Variants in MAOB observed in about 807,000 individuals in gnomAD.
The protein encoded by MAOB is amine oxidase [flavin-containing] B.
A neutral mutation model predicts 41.9 loss-of-function variants in MAOB; 15 were observed. The observed-to-expected ratio is 0.36, with a 90% CI of 0.24 to 0.55. MAOB has a LOEUF of 0.55. Among genes scored for constraint, MAOB ranks in the 20% least tolerant of loss-of-function variants. The pLI is 0.86. For missense variants in MAOB, 345 were observed against 398.7 expected, an observed-to-expected ratio of 0.87 and a Z score of 1.15; for synonymous variants, 167 against 144.2, an observed-to-expected ratio of 1.16 and a Z score of -1.13.
At chrX:43,852,758 A>T (rs187992651) in intron 1 of MAOB, among the ~76,000 whole-genome samples, 38 of 111,920 alleles carry the variant, frequency 3.4e-4, no homozygotes, top group African/African-American at 1.2e-3. Flanking sequence ...GATTCTCTTG[A>T]GGGCGGAAAG....
At chrX:43,877,046 T>C (rs1455300043) in intron 1 of MAOB, among the ~76,000 whole-genome samples, 1 of 112,575 alleles carries the variant, frequency 8.9e-6, no homozygotes, top group Non-Finnish European at 1.9e-5. Context: ...GCACTCTACA[T>C]GTATTTTCTC....
intron 1 of MAOB, among the ~76,000 whole-genome samples, chrX:43,856,715 A>T (rs2035290543): frequency 9.0e-6 from 1 of 110,831 alleles, no homozygotes. Context: ...CAGGGAAGCG[A>T]AAATATATTT....
At chrX:43,808,496 A>G (rs994483464) in intron 3 of MAOB, among the ~76,000 whole-genome samples, 2 of 110,720 alleles carry the variant, frequency 1.8e-5, no homozygotes, top group African/African-American at 6.6e-5. Flanking sequence ...AAGACAATTG[A>G]TTCAGAAAGT....
chrX:43,775,163 C>T lies in MAOB; in HGVS notation c.1235+12G>A. Reference sequence around the variant, plus strand: ...GGGATTTCTGTAACAGCTTAGCATGCTTTTACTCTACCTTCCATATTGAGT... The same window carrying T: ...GGGATTTCTGTAACAGCTTAGCATGTTTTTACTCTACCTTCCATATTGAGT... On this transcript the variant is annotated intron_variant, in intron 12 of 14. Transcript: ENST00000378069. 8.6e-7 allele frequency: 1 copy of T among 1,168,994 alleles called. No individual in the cohort carries two copies. Among genetic ancestry groups the T allele is most frequent in the Non-Finnish European group, 1.1e-6 (1 of 876,837 alleles).
At chrX:43,843,322 A>G (rs1011927020) in intron 2 of MAOB, among the ~76,000 whole-genome samples, 2 of 102,013 alleles carry the variant, frequency 2.0e-5, no homozygotes, top group African/African-American at 7.1e-5. Context: ...AGTACATATA[A>G]TTATGTTATT....
chrX:43,774,080 T>G (rs947116104), intron 12 of MAOB, among the ~76,000 whole-genome samples: 10 of 111,914 alleles, frequency 8.9e-5, no homozygotes, highest in Non-Finnish European at 1.7e-4. Flanking sequence ...TAAGCAGGTT[T>G]TACTCCTTAT....
At chrX:43,868,697 T>C (rs2035380987) in intron 1 of MAOB, among the ~76,000 whole-genome samples, 2 of 111,729 alleles carry the variant, frequency 1.8e-5, no homozygotes, top group South Asian at 7.6e-4. Flanking sequence ...GGACAGAGAC[T>C]TGGAAAGCAA....
intron 3 of MAOB, among the ~76,000 whole-genome samples, chrX:43,829,243 T>C (rs926995013): frequency 5.3e-5 from 6 of 112,388 alleles, no homozygotes; most frequent in Admixed American, 3.8e-4. Context: ...TAAACTTCCA[T>C]TGAACTACAG....
At chrX:43,847,398 T>G (rs28527225) in intron 1 of MAOB, among the ~76,000 whole-genome samples, 8,186 of 110,880 alleles carry the variant, frequency 0.074, 592 homozygotes, top group African/African-American at 0.22. Flanking sequence ...CCATCATAAC[T>G]CATGAAGCAC....
intron 1 of MAOB, among the ~76,000 whole-genome samples, chrX:43,859,944 T>C (rs1286626178): frequency 8.9e-6 from 1 of 112,361 alleles, no homozygotes; most frequent in African/African-American, 3.2e-5. Context: ...ACTATTTCAC[T>C]GAGACTGCTC....
At chrX:43,842,694 T>C (rs1233572768) in intron 2 of MAOB, among the ~76,000 whole-genome samples, 1 of 112,038 alleles carries the variant, frequency 8.9e-6, no homozygotes, top group African/African-American at 3.2e-5. Context: ...AGTGGATAAA[T>C]GGATGAGGAA....
At chrX:43,849,687 A>G (rs1376990266) in intron 1 of MAOB, among the ~76,000 whole-genome samples, 1 of 112,773 alleles carries the variant, frequency 8.9e-6, no homozygotes, top group Non-Finnish European at 1.9e-5. Context: ...TTATTTCCTG[A>G]ACAATAAGAA....
chrX:43,791,005 T>C (rs939546996), intron 8 of MAOB, among the ~76,000 whole-genome samples: 4 of 111,758 alleles, frequency 3.6e-5, no homozygotes, highest in Non-Finnish European at 7.5e-5. Flanking sequence ...CAGCCAGTCA[T>C]TTAAAATGGG....
intron 8 of MAOB, among the ~76,000 whole-genome samples, chrX:43,788,083 G>C (rs973227965): frequency 2.7e-5 from 3 of 111,322 alleles, no homozygotes; most frequent in African/African-American, 6.5e-5. Context: ...GCCAGCATCT[G>C]CTTCTCATGA....
chrX:43,881,186 C>T (rs2035470662), intron 1 of MAOB, among the ~76,000 whole-genome samples: 1 of 113,138 alleles, frequency 8.8e-6, no homozygotes, highest in Non-Finnish European at 1.9e-5. Context: ...TGGTCAGCAC[C>T]AAACATCCAA....
chrX:43,769,286 A>G (rs752197737), intron 13 of MAOB, 21 bp downstream of exon 13: 1 of 1,164,774 alleles, frequency 8.6e-7, no homozygotes, highest in Admixed American at 2.7e-5. Flanking sequence ...CTTCCCCATA[A>G]TCTATGACCC....
intron 11 of MAOB, among the ~76,000 whole-genome samples, chrX:43,777,037 C>G (rs2034268668): frequency 9.0e-6 from 1 of 110,507 alleles, no homozygotes; most frequent in African/African-American, 3.3e-5. Context: ...GGTTTCAAGT[C>G]TTTGCTATTG....
rs1354612612 is a variant in MAOB, at chrX:43,780,538, A to T, written c.1026-143T>A. 11 of 392,782 alleles carry T rather than the reference A, an allele frequency of 2.8e-5. No homozygotes were observed. The East Asian group carries it at 4.3e-4, about 15-fold the overall frequency. 32.4% of individuals were successfully genotyped at this position (392,782 alleles called of 1,213,427 possible). ...TATACACTAGCTTTTCTTACGTTCA[A>T]AGTTTTATGATTTACATATCAAATT... On this transcript the variant is annotated intron_variant, in intron 9 of 14. Transcript: ENST00000378069.
chrX:43,881,692 A>G (rs2035474349), intron 1 of MAOB, among the ~76,000 whole-genome samples: 1 of 111,777 alleles, frequency 8.9e-6, no homozygotes, highest in Non-Finnish European at 1.9e-5. Context: ...GCATAAGAGG[A>G]AAACAGGCAT....
Sources: gnomAD v4.1 joint callset for allele counts (sites outside exome capture counted in the v4.1 genomes callset) on GRCh38, gnomAD v4.1.1 for gene constraint, MANE v1.5 for transcripts, NCBI Gene and HGNC (gene_info 2026-07-23, HGNC 2026-07-21) for gene names.